The following CCDC171 variants were observed in gnomAD, a reference collection of about 807,000 sequenced individuals.
CCDC171 encodes coiled-coil domain containing 171.
CCDC171 carries 177 observed loss-of-function variants against 168.2 expected under a neutral mutation model. The ratio of observed to expected loss-of-function variants is 1.05; its 90% CI spans 0.93 to 1.19. The LOEUF is 1.19. Among genes scored for constraint, CCDC171 ranks in the 50% most tolerant of loss-of-function variants. The pLI is 0.00. For synonymous variants in CCDC171, 687 were observed against 540.8 expected (o/e 1.27, Z -3.75); for missense variants, 1,991 against 1,539.0 (o/e 1.29, Z -4.91).
chr9:15,926,713 T>A (rs1008642013), intron 25 of CCDC171, among the ~76,000 whole-genome samples: 2 of 151,640 alleles, frequency 1.3e-5, no homozygotes, highest in African/African-American at 4.8e-5. Flanking sequence ...GTTATGAGGA[T>A]GAAACAAAGA....
chr9:15,996,961 G>C (rs952157031), intron 3 of CCDC171, among the ~76,000 whole-genome samples: 1 of 152,152 alleles, frequency 6.6e-6, no homozygotes, highest in African/African-American at 2.4e-5. Flanking sequence ...TGGGTGGATT[G>C]GTCATTGTGT....
intron 18 of CCDC171, among the ~76,000 whole-genome samples, chr9:15,755,267 T>G (rs970162295): frequency 1.1e-4 from 17 of 152,156 alleles, no homozygotes; most frequent in African/African-American, 4.1e-4. Context: ...ATTAGGATTG[T>G]GTTTTTGCAA....
intron 10 of CCDC171, among the ~76,000 whole-genome samples, chr9:15,679,189 C>G (rs1414918467): frequency 6.6e-6 from 1 of 151,812 alleles, no homozygotes; most frequent in African/African-American, 2.4e-5. Flanking sequence ...AACAGTATTA[C>G]TTAGATTAAG....
At chr9:15,691,544 T>TTATATATATATATA (rs59425710) in intron 10 of CCDC171, among the ~76,000 whole-genome samples, 1 of 87,792 alleles carries the variant, frequency 1.1e-5, no homozygotes. Flanking sequence ...AATATATGTT[T>TTATATATATATATA]TTTATATATA....
intron 1 of CCDC171, among the ~76,000 whole-genome samples, chr9:15,563,047 A>T (rs966297750): frequency 6.6e-6 from 1 of 151,818 alleles, no homozygotes; most frequent in Non-Finnish European, 1.5e-5. Context: ...ATGTGTCATC[A>T]GTGGCCTGTT....
At chr9:15,599,588 C>A (rs1436593290) in intron 6 of CCDC171, among the ~76,000 whole-genome samples, 1 of 152,114 alleles carries the variant, frequency 6.6e-6, no homozygotes, top group Non-Finnish European at 1.5e-5. Flanking sequence ...AACATTTTTT[C>A]CTTCATTTCA....
Position 15,574,616 on chromosome 9 carries a change from G to C in CCDC171, c.177+2857G>C, listed in dbSNP as rs1046877115. Among the ~76,000 whole-genome samples the C allele has an allele frequency of 2.0e-5, 3 of 152,238 alleles. No individual in the cohort carries two copies. In the East Asian group the frequency reaches 5.8e-4, roughly 29 times the overall value. ...ATTATTTCTTTAGATGATCATACTT[G>C]TATTATGTAGTTAAATTTTTTAGCC... On this transcript the variant is annotated intron_variant, in intron 3 of 25. Transcript: ENST00000380701.
At chr9:15,641,145 T>G (rs146787014) in intron 7 of CCDC171, among the ~76,000 whole-genome samples, 2 of 152,144 alleles carry the variant, frequency 1.3e-5, no homozygotes, top group African/African-American at 4.8e-5. Context: ...AAGGGAATTA[T>G]CAGGTGATAA....
intron 21 of CCDC171, among the ~76,000 whole-genome samples, chr9:15,823,588 C>T (rs887707780): frequency 3.3e-5 from 5 of 151,826 alleles, no homozygotes; most frequent in Non-Finnish European, 2.9e-5. Flanking sequence ...ATTGTATAAA[C>T]GAAGAAAGAA....
intron 3 of CCDC171, among the ~76,000 whole-genome samples, chr9:15,576,132 G>GT (rs1450866042): frequency 9.4e-6 from 1 of 106,894 alleles, no homozygotes; most frequent in African/African-American, 3.7e-5. Context: ...TCATATTTCA[G>GT]TTGTGTGTGT....
intron 18 of CCDC171, among the ~76,000 whole-genome samples, chr9:15,766,363 C>T (rs1230867803): frequency 1.3e-5 from 2 of 152,002 alleles, no homozygotes; most frequent in African/African-American, 4.8e-5. Context: ...CCTGCCTCAG[C>T]CTCCTGTGTA....
At chr9:15,923,802 G>A (rs1280800780) in intron 25 of CCDC171, among the ~76,000 whole-genome samples, 4 of 151,050 alleles carry the variant, frequency 2.6e-5, no homozygotes, top group African/African-American at 9.7e-5. Context: ...TTTTTTTCTC[G>A]CATTACAGGA....
chr9:15,615,233 C>T (rs931276546), intron 6 of CCDC171, among the ~76,000 whole-genome samples: 1 of 152,124 alleles, frequency 6.6e-6, no homozygotes, highest in Non-Finnish European at 1.5e-5. Flanking sequence ...CAATATAATT[C>T]TAACTCAATG....
At chr9:15,780,222 GC>G (rs1445700870) in intron 20 of CCDC171, among the ~76,000 whole-genome samples, 1 of 152,084 alleles carries the variant, frequency 6.6e-6, no homozygotes, top group East Asian at 1.9e-4. Flanking sequence ...TTACTCTTAA[GC>G]CATAGGTTTC....
chr9:15,634,194 A>C (rs1037133551), intron 7 of CCDC171, among the ~76,000 whole-genome samples: 52 of 152,126 alleles, frequency 3.4e-4, no homozygotes, highest in African/African-American at 1.2e-3. Flanking sequence ...AAAAGAAAGC[A>C]GAACCCAAAC....
chr9:15,667,338 A>G (rs2048804137), intron 9 of CCDC171, among the ~76,000 whole-genome samples: 2 of 152,160 alleles, frequency 1.3e-5, no homozygotes, highest in African/African-American at 2.4e-5. Context: ...GCCACAATAT[A>G]AAGATCCCTT....
chr9:15,601,103 C>T (rs1037976525), intron 6 of CCDC171, among the ~76,000 whole-genome samples: 1 of 152,194 alleles, frequency 6.6e-6, no homozygotes, highest in African/African-American at 2.4e-5. Flanking sequence ...GATGCCTCGC[C>T]CTGCTTCGAC....
chr9:15,881,999 G>GT (rs1009169342), intron 24 of CCDC171, among the ~76,000 whole-genome samples: 22 of 152,100 alleles, frequency 1.4e-4, no homozygotes, highest in African/African-American at 5.3e-4. Context: ...TCTATTTTTA[G>GT]TTTTTTGAGG....
intron 6 of CCDC171, among the ~76,000 whole-genome samples, chr9:15,605,638 G>C (rs1453975212): frequency 6.7e-6 from 1 of 149,854 alleles, no homozygotes; most frequent in Admixed American, 6.7e-5. Flanking sequence ...AGTGAGCCAA[G>C]GTCGCACCAC....
Sources: gnomAD v4.1 joint callset for allele counts (sites outside exome capture counted in the v4.1 genomes callset) on GRCh38, gnomAD v4.1.1 for gene constraint, MANE v1.5 for transcripts, NCBI Gene and HGNC (gene_info 2026-07-23, HGNC 2026-07-21) for gene names.